FCHSD2: variants seen among roughly 807,000 people sequenced by gnomAD.
FCHSD2 encodes the protein FCH and double SH3 domains 2, also known as F-BAR and double SH3 domains protein 2.
A neutral mutation model predicts 108.1 loss-of-function variants in FCHSD2; 38 were observed. The observed-to-expected ratio is 0.35, with a 90% confidence interval of 0.27 to 0.46. FCHSD2 has a LOEUF of 0.46. FCHSD2 is among the 20% of genes least tolerant of loss of function. The pLI is 1.00. For synonymous variants in FCHSD2, 279 were observed against 314.7 expected, an observed-to-expected ratio of 0.89 and a Z score of 1.20; for missense variants, 751 against 897.8, an observed-to-expected ratio of 0.84 and a Z score of 2.09.
chr11:72,866,896 G>T (rs1415579999), intron 13 of FCHSD2, among the ~76,000 whole-genome samples: 1 of 152,202 alleles, frequency 6.6e-6, no homozygotes, highest in African/African-American at 2.4e-5. Flanking sequence ...ACAGTGGGAA[G>T]TTGGGAGGTT....
At chr11:73,123,217 A>G (rs879595549) in intron 2 of FCHSD2, among the ~76,000 whole-genome samples, 1 of 152,200 alleles carries the variant, frequency 6.6e-6, no homozygotes. Flanking sequence ...TTTCACTGAC[A>G]TTTTTGACCT....
intron 6 of FCHSD2, among the ~76,000 whole-genome samples, chr11:72,985,528 G>A (rs1042140465): frequency 6.6e-6 from 1 of 152,180 alleles, no homozygotes; most frequent in Non-Finnish European, 1.5e-5. Context: ...GGAGGCAAGC[G>A]TCAGCAAACT....
rs187938207 is a variant in FCHSD2, at chr11:72,867,166, G to T, written c.1308+699C>A. On this transcript the variant is annotated intron_variant, in intron 13 of 19. Transcript: ENST00000409418. ...CAGGATGACAGAGAGTAATGGGTGG[G>T]GAGGTGACAGTAGGAATTACATTAG... Among the ~76,000 whole-genome samples the T allele has an allele frequency of 2.3e-3, 348 of 152,292 alleles. 3 individuals are homozygous for T. The highest frequency in any genetic ancestry group is 3.6e-3 in the Non-Finnish European group (248 of 68,020).
chr11:73,091,525 G>A (rs1471528465), intron 2 of FCHSD2, among the ~76,000 whole-genome samples: 3 of 151,918 alleles, frequency 2.0e-5, no homozygotes, highest in African/African-American at 7.3e-5. Context: ...CTCCAGCCTG[G>A]GCCACAGAGT....
chr11:72,925,055 G>C (rs1044696370), intron 8 of FCHSD2, among the ~76,000 whole-genome samples: 2 of 151,526 alleles, frequency 1.3e-5, no homozygotes, highest in Non-Finnish European at 2.9e-5. Flanking sequence ...GGCATCATGA[G>C]CTCAAAAAAA....
In FCHSD2 at chr11:72,908,342, TG is replaced by T. The variant is rs1565316637; in HGVS notation, c.829-5705del. Among the ~76,000 whole-genome samples the T allele has an allele frequency of 5.3e-5, 8 of 152,344 alleles. No homozygotes were observed. In the East Asian group the frequency reaches 1.3e-3, roughly 26 times the overall value. On this transcript the variant is annotated intron_variant, in intron 9 of 19. Coordinates refer to ENST00000409418, the MANE Select transcript of FCHSD2 (RefSeq NM_014824.3). ...ATTGTGAATAGTGCTGCAATCAACA[TG>T]AGAGTGCAGATATCTCTTTGATATA... is the stretch of plus-strand genomic sequence containing the variant.
chr11:73,001,271 A>G (rs1857620710), intron 4 of FCHSD2, 137 bp from the exon 5 acceptor site: 1 of 707,588 alleles, frequency 1.4e-6, no homozygotes, highest in Non-Finnish European at 2.4e-6. Flanking sequence ...TATAGGCAAT[A>G]TGTCAGCACA....
At chr11:73,058,104 C>G (rs1859072787) in intron 3 of FCHSD2, among the ~76,000 whole-genome samples, 1 of 152,160 alleles carries the variant, frequency 6.6e-6, no homozygotes, top group African/African-American at 2.4e-5. Context: ...TGGTCTCGAT[C>G]TCCTGACCTC....
intron 8 of FCHSD2, among the ~76,000 whole-genome samples, chr11:72,972,055 TTGA>T (rs953076916): frequency 1.9e-4 from 29 of 152,196 alleles, no homozygotes; most frequent in African/African-American, 6.3e-4. Context: ...CTCAATAAAA[TTGA>T]TTTAAAAAGA....
intron 8 of FCHSD2, among the ~76,000 whole-genome samples, chr11:72,930,728 G>A (rs933038603): frequency 1.3e-5 from 2 of 152,174 alleles, no homozygotes; most frequent in Non-Finnish European, 2.9e-5. Flanking sequence ...GGGTGACAGG[G>A]CGAGACTCTG....
chr11:72,851,769 A>C (rs1783001127), intron 13 of FCHSD2, among the ~76,000 whole-genome samples: 1 of 151,952 alleles, frequency 6.6e-6, no homozygotes, highest in Admixed American at 6.6e-5. Context: ...AGAAAACAAA[A>C]CAAGAAAAAA....
intron 1 of FCHSD2, among the ~76,000 whole-genome samples, chr11:73,140,728 C>G (rs1861226044): frequency 6.6e-6 from 1 of 152,224 alleles, no homozygotes; most frequent in Non-Finnish European, 1.5e-5. Context: ...ATATGCAGTG[C>G]TTTTAAACTA....
chr11:72,897,956 T>C (rs891032022), intron 10 of FCHSD2, among the ~76,000 whole-genome samples: 1 of 152,210 alleles, frequency 6.6e-6, no homozygotes, highest in Admixed American at 6.5e-5. Context: ...TAATTGAAGA[T>C]ATAAAGAAAG....
chr11:73,119,091 T>C (rs1362669119), intron 2 of FCHSD2, among the ~76,000 whole-genome samples: 2 of 152,144 alleles, frequency 1.3e-5, no homozygotes. Flanking sequence ...AGCTCAAGCT[T>C]GGGAGTTCGG....
At chr11:72,991,301 C>A (rs1339875869) in intron 5 of FCHSD2, among the ~76,000 whole-genome samples, 2 of 152,152 alleles carry the variant, frequency 1.3e-5, no homozygotes. Flanking sequence ...GAGCTGGTAC[C>A]ATTCCTTCTG....
At chr11:73,072,340 A>G (rs1426342115) in intron 3 of FCHSD2, among the ~76,000 whole-genome samples, 1 of 152,108 alleles carries the variant, frequency 6.6e-6, no homozygotes, top group African/African-American at 2.4e-5. Context: ...TAGCAAATCT[A>G]TGTCCCCAAG....
intron 8 of FCHSD2, among the ~76,000 whole-genome samples, chr11:72,954,397 T>TG (rs1054491355): frequency 2.0e-5 from 3 of 151,702 alleles, no homozygotes; most frequent in African/African-American, 7.3e-5. Flanking sequence ...TTTGTAGAGA[T>TG]GGGGTCTCAC....
intron 8 of FCHSD2, among the ~76,000 whole-genome samples, chr11:72,957,834 AAT>A (rs1406596821): frequency 6.6e-6 from 1 of 152,190 alleles, no homozygotes; most frequent in Non-Finnish European, 1.5e-5. Context: ...CAAGCACATA[AAT>A]ATATAGTGAG....
chr11:72,852,635 G>A (rs550791279), intron 13 of FCHSD2, among the ~76,000 whole-genome samples: 2 of 152,000 alleles, frequency 1.3e-5, no homozygotes, highest in African/African-American at 4.8e-5. Flanking sequence ...GTGCATTGCA[G>A]CCTGGGCAAC....
Sources: allele counts gnomAD v4.1 joint callset (sites outside exome capture counted in the v4.1 genomes callset), GRCh38; gene constraint gnomAD v4.1.1; transcripts MANE v1.5; gene names NCBI Gene and HGNC (gene_info 2026-07-23, HGNC 2026-07-21).